LRP1B: variants seen among roughly 807,000 people sequenced by gnomAD.
The protein encoded by LRP1B is low-density lipoprotein receptor-related protein 1B.
In LRP1B, 217 loss-of-function variants were observed where a neutral mutation model predicts 556.6. That is an observed-to-expected ratio of 0.39 (90% CI 0.35 to 0.44). The LOEUF is 0.44. Among genes scored for constraint, LRP1B ranks in the 20% least tolerant of loss-of-function variants. The pLI is 1.00. For synonymous variants in LRP1B, 2,047 were observed against 1,865.8 expected, an observed-to-expected ratio of 1.10 and a Z score of -2.50; for missense variants, 5,053 against 5,620.8, an observed-to-expected ratio of 0.90 and a Z score of 3.23.
rs185474379 is a variant in LRP1B, at chr2:140,266,198, T to A, written c.13247+4044A>T. Among the ~76,000 whole-genome samples the A allele has an allele frequency of 2.2e-4, 34 of 152,108 alleles. 2 individuals carry two copies. In the South Asian group the frequency reaches 5.0e-3, roughly 22 times the overall value. ...AAAAGAATCTACATTTTTCTCTACT[T>A]CTTCTCCTTTTGATTAATTAACTGT... is the stretch of plus-strand genomic sequence containing the variant. On this transcript the variant is annotated intron_variant, in intron 86 of 90. Transcript: ENST00000389484.
At chr2:141,027,750 A>G (rs754948278) in intron 11 of LRP1B, among the ~76,000 whole-genome samples, 2 of 152,104 alleles carry the variant, frequency 1.3e-5, no homozygotes, top group Non-Finnish European at 2.9e-5. Context: ...CCTCATTCTA[A>G]TGTGAAAATA....
intron 41 of LRP1B, among the ~76,000 whole-genome samples, chr2:140,693,075 A>T (rs1686302707): frequency 6.6e-6 from 1 of 152,178 alleles, no homozygotes; most frequent in South Asian, 2.1e-4. Context: ...CAATTTACAT[A>T]AAAGTTATAT....
chr2:140,895,074 C>G (rs1467082738), intron 23 of LRP1B, among the ~76,000 whole-genome samples: 5 of 151,990 alleles, frequency 3.3e-5, no homozygotes, highest in African/African-American at 4.8e-5. Flanking sequence ...GAAAATTAAA[C>G]TTTGGGTAGT....
At chr2:141,255,146 T>C (rs1452569878) in intron 3 of LRP1B, among the ~76,000 whole-genome samples, 1 of 152,060 alleles carries the variant, frequency 6.6e-6, no homozygotes, top group Non-Finnish European at 1.5e-5. Flanking sequence ...TCTGAACTAT[T>C]TGAGAAAAGA....
rs577327474 is a variant in LRP1B, at chr2:141,511,085, A to G, written c.206-30552T>C. Among the ~76,000 whole-genome samples, 4 of 152,244 alleles carry G rather than the reference A, an allele frequency of 2.6e-5. No individual in the cohort carries two copies. The South Asian group carries it at 6.2e-4, about 24-fold the overall frequency. ...CTTTAAACTCAGTTTCTTGACCCCA[A>G]GGTTCAAGGTTTCCTCTACTACACA... is the stretch of plus-strand genomic sequence containing the variant. On this transcript the variant is annotated intron_variant, in intron 2 of 90. Coordinates refer to ENST00000389484, the MANE Select transcript of LRP1B (RefSeq NM_018557.3).
chr2:141,960,454 A>T (rs1296775814), intron 1 of LRP1B, among the ~76,000 whole-genome samples: 1 of 151,802 alleles, frequency 6.6e-6, no homozygotes, highest in Non-Finnish European at 1.5e-5. Context: ...TTCTCCTAAC[A>T]ACATATTATC....
At chr2:140,782,051 ATTT>A (rs1020981505) in intron 32 of LRP1B, among the ~76,000 whole-genome samples, 2 of 124,560 alleles carry the variant, frequency 1.6e-5, no homozygotes, top group Admixed American at 8.5e-5. Context: ...TTCATCTCAC[ATTT>A]TTTGTTGTTG....
chr2:141,580,730 C>A (rs1686934186), intron 2 of LRP1B, among the ~76,000 whole-genome samples: 1 of 152,180 alleles, frequency 6.6e-6, no homozygotes. Context: ...ACAGACTGCA[C>A]AAAGCACAAA....
intron 3 of LRP1B, among the ~76,000 whole-genome samples, chr2:141,479,839 C>T (rs10204727): frequency 0.52 from 78,365 of 151,950 alleles, 20,409 homozygotes; most frequent in Non-Finnish European, 0.56. Context: ...TCCCTCATAT[C>T]ATTAATATCT....
At chr2:141,443,502 G>T (rs1681064357) in intron 3 of LRP1B, among the ~76,000 whole-genome samples, 1 of 152,044 alleles carries the variant, frequency 6.6e-6, no homozygotes, top group African/African-American at 2.4e-5. Context: ...TGAAGTCTTT[G>T]CCCATTCCTG....
At chr2:141,348,073 C>T (rs1688316252) in intron 3 of LRP1B, among the ~76,000 whole-genome samples, 1 of 152,054 alleles carries the variant, frequency 6.6e-6, no homozygotes, top group African/African-American at 2.4e-5. Context: ...AAAATGGTCA[C>T]ATACATCTTA....
intron 32 of LRP1B, among the ~76,000 whole-genome samples, chr2:140,795,659 A>T (rs1010692509): frequency 1.3e-5 from 2 of 152,124 alleles, no homozygotes; most frequent in Admixed American, 1.3e-4. Context: ...ATCTAGGTAT[A>T]TATAGCCCCC....
At chr2:140,957,571 C>T (rs992712058) in intron 18 of LRP1B, among the ~76,000 whole-genome samples, 2 of 151,340 alleles carry the variant, frequency 1.3e-5, no homozygotes, top group Non-Finnish European at 3.0e-5. Flanking sequence ...AAAATAACAG[C>T]CAAATATTTC....
chr2:141,018,904 A>T (rs1697987000), intron 12 of LRP1B, among the ~76,000 whole-genome samples: 2 of 152,042 alleles, frequency 1.3e-5, no homozygotes, highest in Admixed American at 1.3e-4. Context: ...AATTCTAGGA[A>T]CCGCAATTTG....
intron 47 of LRP1B, among the ~76,000 whole-genome samples, chr2:140,532,808 C>A (rs1348347333): frequency 5.9e-5 from 9 of 151,554 alleles, no homozygotes; most frequent in Admixed American, 5.9e-4. Context: ...TTCATTCTAC[C>A]TTATTTTTAG....
intron 82 of LRP1B, among the ~76,000 whole-genome samples, chr2:140,317,735 G>T (rs924151072): frequency 6.6e-6 from 1 of 152,080 alleles, no homozygotes; most frequent in Non-Finnish European, 1.5e-5. Context: ...ATCATAGATA[G>T]GATTATTATG....
intron 11 of LRP1B, among the ~76,000 whole-genome samples, chr2:141,022,042 T>C (rs1698078721): frequency 6.6e-6 from 1 of 151,834 alleles, no homozygotes; most frequent in Admixed American, 6.6e-5. Context: ...AAATGCTTTT[T>C]CTATAATATT....
At position 140,651,863 on chromosome 2, in the gene LRP1B, G is replaced by A. The variant is rs1684701036; in HGVS notation, c.6799+48387C>T. On this transcript the variant is annotated intron_variant, in intron 41 of 90. Transcript: ENST00000389484. ...TATTGTCAAACAGGTTTGCCTTCCA[G>A]GGTAGAAATAACACTGGAAAATAGA... Among the ~76,000 whole-genome samples the A allele has an allele frequency of 2.0e-5, 3 of 152,056 alleles. No individual in the cohort carries two copies. In the South Asian group the frequency reaches 6.2e-4, roughly 32 times the overall value.
At chr2:141,336,584 A>C (rs1687857086) in intron 3 of LRP1B, among the ~76,000 whole-genome samples, 1 of 152,272 alleles carries the variant, frequency 6.6e-6, no homozygotes, top group Non-Finnish European at 1.5e-5. Context: ...TTATATTGAA[A>C]GTTATGTTTT....
Sources: gnomAD v4.1 joint callset for allele counts (sites outside exome capture counted in the v4.1 genomes callset) on GRCh38, gnomAD v4.1.1 for gene constraint, MANE v1.5 for transcripts, NCBI Gene and HGNC (gene_info 2026-07-23, HGNC 2026-07-21) for gene names.